The following AMZ1 variants were observed in gnomAD, a reference collection of about 807,000 sequenced individuals.
AMZ1 encodes archaelysin family metallopeptidase 1.
In AMZ1, 39 loss-of-function variants were observed where a neutral mutation model predicts 29.9. That is an observed-to-expected ratio of 1.30 (90% CI 1.01 to 1.70). The LOEUF (loss-of-function observed/expected upper bound fraction) is 1.70, where lower values mean the gene tolerates loss of function less well. Among genes scored for constraint, AMZ1 ranks in the 40% most tolerant of loss-of-function variants. The pLI is 0.00. For synonymous variants in AMZ1, 458 were observed against 304.0 expected, an observed-to-expected ratio of 1.51 and a Z score of -5.27; for missense variants, 1,041 against 680.6, an observed-to-expected ratio of 1.53 and a Z score of -5.89.
upstream of AMZ1, chr7:2,762,647 G>C (rs751058368): frequency 1.3e-5 from 21 of 1,598,050 alleles, no homozygotes; most frequent in East Asian, 4.5e-4. Context: ...AGCACAGAGC[G>C]GCAGGACGAT....
chr7:2,700,716 C>A lies in AMZ1; in HGVS notation c.265C>A (p.Pro89Thr). The A allele has an allele frequency of 1.9e-6, 3 of 1,613,146 alleles. No individual in the cohort carries two copies. Among genetic ancestry groups the A allele is most frequent in the Non-Finnish European group, 1.7e-6 (2 of 1,180,016 alleles). Reference sequence around the variant, plus strand: ...CCACGCCTCCCTGCAGCACCGGAAGCCCCGCCTGGCTCGGAAGCACATCTA... The same window carrying A: ...CCACGCCTCCCTGCAGCACCGGAAGACCCGCCTGGCTCGGAAGCACATCTA... ...TFHASLQHRK[P>T]RLARKHIYLQ... The change falls in exon 2 of 7, where the codon CCC (proline) becomes ACC (threonine). Residue 89 changes from proline (P) to threonine (T), a missense_variant. Coordinates refer to ENST00000683327, the MANE Select transcript of AMZ1 (RefSeq NM_001384743.1).
At chr7:2,744,181 C>G (rs798508) in intron 4 of AMZ1, among the ~76,000 whole-genome samples, 35,971 of 152,130 alleles carry the variant, frequency 0.24, 4,906 homozygotes, top group Non-Finnish European at 0.29. Flanking sequence ...AGTGGTTCTC[C>G]CAGCACGCAG....
In AMZ1 at chr7:2,702,849, G is replaced by A. The variant is rs778032530; in HGVS notation, c.432G>A (p.Ser144=). ...CAGCCGCGTCCATCCGCTGCTCCTC[G>A]CGGCCCAGCCGGGACTCTGACAGGC... is the stretch of plus-strand genomic sequence containing the variant. The part of the protein sequence containing the change: ...SVAAASIRCS[S]RPSRDSDRLQ... The change falls in exon 3 of 7, where the codon TCG becomes TCA. Residue 144 remains serine (S), a synonymous_variant. Transcript: ENST00000683327. 15 of 1,583,310 alleles carry A rather than the reference G, an allele frequency of 9.5e-6. No homozygotes were observed. The highest frequency in any genetic ancestry group is 4.0e-5 in the African/African-American group (3 of 74,396).
At chr7:2,702,212 C>T (rs1342403078) in intron 2 of AMZ1, 1 of 47,114 alleles carries the variant, frequency 2.1e-5, no homozygotes, top group South Asian at 9.4e-4. Flanking sequence ...CCTCGACCTG[C>T]ACCCTTGTGT....
At chr7:2,762,863 G>C (rs1235592800), upstream of AMZ1, 16 of 1,459,152 alleles carry the variant, frequency 1.1e-5, no homozygotes, top group African/African-American at 2.8e-5. Flanking sequence ...GAGAGGGCCA[G>C]CTCCGAGCCC....
chr7:2,731,156 A>ACGACAAACC lies in AMZ1; in HGVS notation n.550+21342_550+21350dup. The ACGACAAACC allele has an allele frequency of 6.5e-7, 1 of 1,550,088 alleles. No homozygotes were observed. Among genetic ancestry groups the ACGACAAACC allele is most frequent in the Non-Finnish European group, 8.8e-7 (1 of 1,133,448 alleles). ...CGACAGCCGTGGGGGCTGCTCAACGACGACAAACCCCGGGGCTTCCTCGCT... is the reference window on the plus strand; with the variant it reads ...CGACAGCCGTGGGGGCTGCTCAACGACGACAAACCCGACAAACCCCGGGGCTTCCTCGCT... On this transcript the variant is annotated intron_variant and non_coding_transcript_variant, in intron 4 of 4. Transcript: ENST00000489665. The surrounding 1 kb of genome is among the most constrained non-coding windows in gnomAD (Gnocchi z 6.0).
rs117438741 is a variant in AMZ1 at position 2,692,554 on chromosome 7, A to G, written c.-219+4258A>G. 7.2e-4 allele frequency among the ~76,000 whole-genome samples: 109 copies of G among 152,224 alleles called. 2 individuals are homozygous for G. The East Asian group carries it at 0.021, about 29-fold the overall frequency. On this transcript the variant is annotated intron_variant, in intron 1 of 6. Transcript: ENST00000683327. ...GAGGCTCCATCTCAAAAAATAAAAA[A>G]TAAATAAAGAGGACCAAGCTCATGC...
intron 4 of AMZ1, chr7:2,728,316 C>T (rs942596078): frequency 2.6e-5 from 4 of 152,240 alleles, no homozygotes; most frequent in African/African-American, 9.7e-5. Context: ...AAATTAGTTA[C>T]AACTAATAAT....
In AMZ1 at chr7:2,709,115, C is replaced by A. The variant is rs755181336; in HGVS notation, c.642C>A (p.Phe214Leu). The part of the protein sequence containing the change: ...VCSFARFSGE[F>L]PKSGPSAPDL... ...GCTTCGCCCGGTTCTCAGGGGAATTCCCGAAGTCGGGGCCCAGCGCCCCTG... is the reference window on the plus strand; with the variant it reads ...GCTTCGCCCGGTTCTCAGGGGAATTACCGAAGTCGGGGCCCAGCGCCCCTG... Residue 214 changes from phenylalanine (F) to leucine (L), a missense_variant, in exon 5 of 7, where the codon TTC becomes TTA. Coordinates refer to ENST00000683327, the MANE Select transcript of AMZ1 (RefSeq NM_001384743.1). 22 of 1,600,852 alleles carry A rather than the reference C, an allele frequency of 1.4e-5. No homozygotes were observed. Among genetic ancestry groups the A allele is most frequent in the Non-Finnish European group, 1.8e-5 (21 of 1,174,098 alleles).
intron 4 of AMZ1, among the ~76,000 whole-genome samples, chr7:2,754,042 G>C (rs1791170189): frequency 1.3e-5 from 2 of 152,184 alleles, no homozygotes; most frequent in African/African-American, 4.8e-5. Context: ...GTTACTCTCT[G>C]CCAAACTCTT....
intron 6 of AMZ1, among the ~76,000 whole-genome samples, chr7:2,711,699 G>A (rs969043563): frequency 2.0e-5 from 3 of 152,222 alleles, no homozygotes; most frequent in Middle Eastern, 3.4e-3. Flanking sequence ...GATTACAAGC[G>A]TGAGCCACCA....
rs1373523063 is a variant in AMZ1, at chr7:2,714,721, G to A, written c.*1843G>A. 6.6e-6 allele frequency: 1 copy of A among 152,196 alleles called. No individual in the cohort carries two copies. The highest frequency in any genetic ancestry group is 1.5e-5 in the Non-Finnish European group (1 of 68,044). 9.4% of individuals were successfully genotyped at this position (152,196 alleles called of 1,614,324 possible). ...CCCCTGTGGCTCGACTGGAGTGTTC[G>A]TTCACACGGCTGCCAAGTGGAATTT... On this transcript the variant is annotated 3_prime_UTR_variant, in exon 7 of 7. Transcript: ENST00000683327.
chr7:2,689,806 G>T (rs777438977), intron 1 of AMZ1, among the ~76,000 whole-genome samples: 3 of 152,230 alleles, frequency 2.0e-5, no homozygotes, highest in Non-Finnish European at 4.4e-5. Flanking sequence ...CCATCTGGGG[G>T]TCTCCTTTTT....
At chr7:2,687,425 C>T (rs367696939), upstream of AMZ1, among the ~76,000 whole-genome samples, 8 of 152,254 alleles carry the variant, frequency 5.3e-5, 1 homozygote, top group African/African-American at 1.9e-4. Flanking sequence ...CATTTCTGCA[C>T]GGTGAAGCAG....
In AMZ1 at chr7:2,691,471, G is replaced by A. The variant is rs945533018; in HGVS notation, c.-219+3175G>A. Among the ~76,000 whole-genome samples the A allele has an allele frequency of 8.7e-5, 13 of 148,862 alleles. 1 individual carries two copies. Among genetic ancestry groups the A allele is most frequent in the Non-Finnish European group, 1.5e-4 (10 of 67,978 alleles). ...CAGAAAGTGATTTTGGGCCGGGCGC[G>A]GTGGCTCACACATATAATCCCAGCA... On this transcript the variant is annotated intron_variant, in intron 1 of 6. Transcript: ENST00000683327.
At chr7:2,726,374 C>T (rs975715041) in intron 4 of AMZ1, among the ~76,000 whole-genome samples, 4 of 152,186 alleles carry the variant, frequency 2.6e-5, no homozygotes, top group Non-Finnish European at 5.9e-5. Flanking sequence ...CTTGCCTCTT[C>T]AGTGACTGTC....
intron 4 of AMZ1, among the ~76,000 whole-genome samples, chr7:2,736,717 C>T (rs2115305751): frequency 6.6e-6 from 1 of 152,354 alleles, no homozygotes. Flanking sequence ...CTGTCACCCA[C>T]ACCTCCGGTG....
At chr7:2,762,935 C>G, upstream of AMZ1, 3 of 1,397,726 alleles carry the variant, frequency 2.1e-6, no homozygotes, top group Non-Finnish European at 2.8e-6. Context: ...ACGCCCCAGA[C>G]ACTCCCGTGG....
At chr7:2,701,103 C>T (rs923330078) in intron 2 of AMZ1, among the ~76,000 whole-genome samples, 7 of 152,148 alleles carry the variant, frequency 4.6e-5, no homozygotes, top group Non-Finnish European at 7.4e-5. Context: ...TGGTGGTGCA[C>T]ACCTGTAATC....
Sources: allele counts gnomAD v4.1 joint callset (sites outside exome capture counted in the v4.1 genomes callset), GRCh38; gene constraint gnomAD v4.1.1; non-coding constraint Gnocchi (gnomAD v3.1); transcripts MANE v1.5; gene names NCBI Gene and HGNC (gene_info 2026-07-23, HGNC 2026-07-21).